The following ZNF43 variants were observed in gnomAD, a reference collection of about 807,000 sequenced individuals.
ZNF43 encodes zinc finger protein 39-like 1 (KOX 27).
A neutral mutation model predicts 68.4 loss-of-function variants in ZNF43; 44 were observed. The ratio of observed to expected loss-of-function variants is 0.64; its 90% CI spans 0.51 to 0.83. The LOEUF is 0.83. Ranked by LOEUF, ZNF43 falls within the 40% of genes least tolerant of loss-of-function variation. The pLI is 0.00. For synonymous variants in ZNF43, 308 were observed against 307.8 expected (o/e 1.00, Z -0.01); for missense variants, 896 against 933.2 (o/e 0.96, Z 0.52).
chr19:21,848,332 G>C (rs917101149), intron 1 of ZNF43, among the ~76,000 whole-genome samples: 2 of 151,944 alleles, frequency 1.3e-5, no homozygotes, highest in Non-Finnish European at 2.9e-5. Flanking sequence ...TTTTAGTAGA[G>C]ATGGGGTTTC....
chr19:21,834,597 A>C (rs1347321123), intron 1 of ZNF43, among the ~76,000 whole-genome samples: 1 of 151,924 alleles, frequency 6.6e-6, no homozygotes, highest in East Asian at 1.9e-4. Flanking sequence ...TCTCAACTAA[A>C]AATACAAAAA....
Position 21,807,800 on chromosome 19 carries a change from G to A in ZNF43, c.2237C>T (p.Ser746Phe), listed in dbSNP as rs147917533. 2,222 of 1,613,088 alleles carry A rather than the reference G, an allele frequency of 1.4e-3. 2 individuals carry two copies. Among genetic ancestry groups the A allele is most frequent in the Non-Finnish European group, 1.7e-3 (2,048 of 1,179,704 alleles). ...TCTCTTATGTGTATTAAGGTGTGAG[G>A]AATAGTTAAATGCTTTGCCACATTC... is the stretch of plus-strand genomic sequence containing the variant. The part of the protein sequence containing the change: ...CEECGKAFNY[S>F]SHLNTHKRIH... The change falls in exon 4 of 4, where the codon TCC becomes TTC. Residue 746 changes from serine to phenylalanine, a missense_variant. By Grantham distance (155) the Ser-to-Phe change is radical. Transcript: ENST00000354959.
intron 1 of ZNF43, among the ~76,000 whole-genome samples, chr19:21,828,485 C>G (rs536284216): frequency 6.6e-6 from 1 of 152,034 alleles, no homozygotes; most frequent in East Asian, 1.9e-4. Context: ...GAAGCTGAGG[C>G]GGGTGGATCA....
chr19:21,826,056 T>TA (rs2038106138), intron 1 of ZNF43, among the ~76,000 whole-genome samples: 2 of 151,924 alleles, frequency 1.3e-5, no homozygotes, highest in Non-Finnish European at 2.9e-5. Context: ...CTCAAAAAAA[T>TA]AAAAAATAAT....
At chr19:21,812,219 C>T (rs960937667) in intron 3 of ZNF43, among the ~76,000 whole-genome samples, 9 of 152,136 alleles carry the variant, frequency 5.9e-5, no homozygotes, top group Non-Finnish European at 8.8e-5. Context: ...CTCCATCTCC[C>T]GGGTTCACAC....
Position 21,807,965 on chromosome 19 carries a change from G to T in ZNF43, c.2072C>A (p.Ser691Ter), listed in dbSNP as rs768052102. 1 of 1,612,844 alleles carries T rather than the reference G, an allele frequency of 6.2e-7. No homozygotes were observed. The highest frequency in any genetic ancestry group is 1.1e-5 in the South Asian group (1 of 91,066). Residue 691 changes from serine (S) to a stop codon, truncating the protein, a stop_gained, in exon 4 of 4, where the codon TCA (serine) becomes TAA (stop). Transcript: ENST00000354959. LOFTEE classifies it high-confidence loss of function. The part of the protein sequence containing the change: ...EECGKAFKLS[S>*]TLSTHKIIHT... ...AATAATCTTATGTGTAGAAAGGGTT[G>T]AGGACAGTTTAAAAGCTTTGCCACA...
intron 1 of ZNF43, among the ~76,000 whole-genome samples, chr19:21,843,855 C>A (rs969268802): frequency 6.6e-6 from 1 of 152,156 alleles, no homozygotes; most frequent in Non-Finnish European, 1.5e-5. Flanking sequence ...CATCTGTGGA[C>A]CAGATTCACC....
intron 3 of ZNF43, among the ~76,000 whole-genome samples, chr19:21,816,019 C>A (rs1187222730): frequency 1.3e-5 from 2 of 151,342 alleles, no homozygotes; most frequent in African/African-American, 2.4e-5. Context: ...TGAGACTGTG[C>A]CATTGCACTC....
intron 1 of ZNF43, among the ~76,000 whole-genome samples, chr19:21,835,249 CAAA>C (rs377486360): frequency 5.6e-4 from 46 of 82,576 alleles, no homozygotes; most frequent in South Asian, 8.3e-4. Context: ...AAGTCCATCT[CAAA>C]AAAAAAAAAA....
chr19:21,849,034 G>C (rs59149364), intron 1 of ZNF43, among the ~76,000 whole-genome samples: 2,992 of 152,248 alleles, frequency 0.02, 90 homozygotes, highest in African/African-American at 0.063. Context: ...GACTGTGTCT[G>C]TGCATGAGAT....
At chr19:21,851,608 G>A (rs1278000740) in intron 1 of ZNF43, among the ~76,000 whole-genome samples, 3 of 150,706 alleles carry the variant, frequency 2.0e-5, no homozygotes, top group Non-Finnish European at 4.4e-5. Flanking sequence ...CTCCTCCTGC[G>A]CACACACCGA....
At chr19:21,835,914 G>A in intron 1 of ZNF43, 122 bp downstream of exon 1, 2 of 1,530,592 alleles carry the variant, frequency 1.3e-6, no homozygotes, top group South Asian at 1.2e-5. Flanking sequence ...TATGGCTGAA[G>A]GGGATTGAGG....
intron 1 of ZNF43, among the ~76,000 whole-genome samples, chr19:21,848,412 C>A (rs150412848): frequency 1.2e-3 from 189 of 152,140 alleles, no homozygotes; most frequent in African/African-American, 4.4e-3. Context: ...TCCCAGAGTG[C>A]TGGGATTACA....
chr19:21,837,558 G>A (rs141434264), upstream of ZNF43, among the ~76,000 whole-genome samples: 567 of 151,592 alleles, frequency 3.7e-3, no homozygotes, highest in Non-Finnish European at 5.7e-3. Flanking sequence ...CCAAGTAGCT[G>A]GGGATACAGG....
At chr19:21,836,396 C>A (rs115137318), upstream of ZNF43, among the ~76,000 whole-genome samples, 2,017 of 152,354 alleles carry the variant, frequency 0.013, 35 homozygotes, top group African/African-American at 0.045. Context: ...CTGAGCAGAG[C>A]AGGCCCAACC....
rs1278094037 is a variant in ZNF43 at position 21,805,261 on chromosome 19, CG to C, written c.*2345del. 1 of 151,942 alleles carries C rather than the reference CG, an allele frequency of 6.6e-6. No individual in the cohort carries two copies. Among genetic ancestry groups the C allele is most frequent in the Non-Finnish European group, 1.5e-5 (1 of 68,032 alleles). The allele number at this position is 151,942 out of a possible 1,614,324, so 9.4% of individuals were successfully genotyped here. A position where few individuals can be genotyped will look rare whatever the true frequency, so the allele number is the denominator to read the frequency against. ...CAGGCAGATCATGAGGTCAGAAGAT[CG>C]AGACCATCCTGGCCAACATGGTGAA... is the stretch of plus-strand genomic sequence containing the variant. On this transcript the variant is annotated 3_prime_UTR_variant, in exon 4 of 4. Transcript: ENST00000354959.
chr19:21,824,295 G>A (rs920703512), intron 1 of ZNF43, among the ~76,000 whole-genome samples: 32 of 152,090 alleles, frequency 2.1e-4, no homozygotes, highest in African/African-American at 7.2e-4. Flanking sequence ...CTCCAGTATC[G>A]TATTTTATGG....
At chr19:21,822,029 C>A (rs2037868195) in intron 1 of ZNF43, among the ~76,000 whole-genome samples, 1 of 152,262 alleles carries the variant, frequency 6.6e-6, no homozygotes, top group African/African-American at 2.4e-5. Flanking sequence ...CACCTATTTG[C>A]CTACTACCAC....
intron 1 of ZNF43, among the ~76,000 whole-genome samples, chr19:21,849,543 C>A (rs1449869817): frequency 7.0e-6 from 1 of 142,386 alleles, no homozygotes; most frequent in Non-Finnish European, 1.5e-5. Flanking sequence ...GGCATGGTAG[C>A]TCATGCCTGT....
Sources: allele counts gnomAD v4.1 joint callset (sites outside exome capture counted in the v4.1 genomes callset), GRCh38; gene constraint gnomAD v4.1.1; transcripts MANE v1.5; gene names NCBI Gene and HGNC (gene_info 2026-07-23, HGNC 2026-07-21).